Variants in TRHDE observed in about 807,000 individuals in gnomAD.
TRHDE encodes the protein thyrotropin releasing hormone degrading enzyme.
TRHDE carries 72 observed loss-of-function variants against 125.7 expected under a neutral mutation model. The observed-to-expected ratio is 0.57, with a 90% CI of 0.47 to 0.70. The LOEUF (loss-of-function observed/expected upper bound fraction) is 0.70. TRHDE is among the 30% of genes least tolerant of loss of function. The pLI is 0.00. For missense variants in TRHDE, 1,110 were observed against 1,327.1 expected, an observed-to-expected ratio of 0.84 and a Z score of 2.54; for synonymous variants, 509 against 509.1, an observed-to-expected ratio of 1.00 and a Z score of 0.00.
intron 3 of TRHDE, among the ~76,000 whole-genome samples, chr12:72,458,812 C>G (rs1473559955): frequency 6.6e-6 from 1 of 152,080 alleles, no homozygotes; most frequent in African/African-American, 2.4e-5. Context: ...CTCAACAGAT[C>G]CCATAATTGG....
intron 5 of TRHDE, among the ~76,000 whole-genome samples, chr12:72,485,905 C>T (rs1031155388): frequency 3.9e-5 from 6 of 152,086 alleles, no homozygotes; most frequent in African/African-American, 4.8e-5. Context: ...GCTCCCAAGC[C>T]GTATTGGCAT....
chr12:72,493,373 G>A (rs987873679), intron 5 of TRHDE, among the ~76,000 whole-genome samples: 5 of 151,900 alleles, frequency 3.3e-5, no homozygotes, highest in African/African-American at 4.8e-5. Flanking sequence ...GGATTTCAAA[G>A]TAAATACATT....
rs190056466 is a variant in TRHDE at position 72,116,205 on chromosome 12, G to A, written n.279+10453G>A. Among the ~76,000 whole-genome samples the A allele has an allele frequency of 7.2e-5, 11 of 152,234 alleles. No homozygotes were observed. The East Asian group carries it at 2.1e-3, about 29-fold the overall frequency. On this transcript the variant is annotated intron_variant and non_coding_transcript_variant, in intron 2 of 4. Transcript: ENST00000548156. Reference sequence around the variant, plus strand: ...GGGCATGAACTCATTCATTTTTATGGCTGCATAGTATTCCATGGTGTATAT... The same window carrying A: ...GGGCATGAACTCATTCATTTTTATGACTGCATAGTATTCCATGGTGTATAT...
chr12:72,159,214 G>A (rs1276556793), intron 2 of TRHDE, among the ~76,000 whole-genome samples: 1 of 152,142 alleles, frequency 6.6e-6, no homozygotes, highest in East Asian at 1.9e-4. Context: ...TTAAATTTTA[G>A]TAGTAGAAAG....
chr12:72,647,276 G>A (rs1248041069), intron 15 of TRHDE, among the ~76,000 whole-genome samples: 1 of 151,930 alleles, frequency 6.6e-6, no homozygotes, highest in African/African-American at 2.4e-5. Context: ...AGACAAAAAT[G>A]AAAGCACAAT....
chr12:72,580,649 C>G (rs934059154), intron 12 of TRHDE, among the ~76,000 whole-genome samples: 1 of 152,210 alleles, frequency 6.6e-6, no homozygotes. Context: ...CCACGTTGGT[C>G]AGGCTAGTCT....
intron 3 of TRHDE, among the ~76,000 whole-genome samples, chr12:72,435,968 T>C (rs184540051): frequency 8.1e-4 from 124 of 152,180 alleles, no homozygotes; most frequent in African/African-American, 2.7e-3. Flanking sequence ...TGTTCACATA[T>C]GTTCCCCCCG....
intron 2 of TRHDE, among the ~76,000 whole-genome samples, chr12:72,114,193 C>T: frequency 4.5e-5 from 1 of 22,258 alleles, no homozygotes; most frequent in East Asian, 9.2e-4. Context: ...CTGGGTCTTT[C>T]AAACTCTGTC....
chr12:72,593,028 A>T (rs2136049637), intron 12 of TRHDE, among the ~76,000 whole-genome samples: 1 of 152,210 alleles, frequency 6.6e-6, no homozygotes, highest in Non-Finnish European at 1.5e-5. Context: ...AATTTTTAAA[A>T]TCCCTTTCAT....
At chr12:72,565,579 C>A (rs1299365465) in intron 9 of TRHDE, among the ~76,000 whole-genome samples, 2 of 152,168 alleles carry the variant, frequency 1.3e-5, no homozygotes, top group Middle Eastern at 3.2e-3. Context: ...CACTGAGGAG[C>A]TTCTCAGCGT....
At chr12:72,495,006 C>T (rs543249590) in intron 5 of TRHDE, among the ~76,000 whole-genome samples, 2 of 149,856 alleles carry the variant, frequency 1.3e-5, no homozygotes, top group South Asian at 4.2e-4. Context: ...TTTAGCATAT[C>T]CTCCAAACCA....
chr12:72,124,142 C>T (rs1367538818), intron 2 of TRHDE, among the ~76,000 whole-genome samples: 1 of 152,110 alleles, frequency 6.6e-6, no homozygotes, highest in East Asian at 1.9e-4. Context: ...TTCGTAGTGC[C>T]TCTGAATCAA....
intron 2 of TRHDE, among the ~76,000 whole-genome samples, chr12:72,212,430 T>A (rs1877801959): frequency 6.6e-6 from 1 of 151,996 alleles, no homozygotes; most frequent in Admixed American, 6.6e-5. Flanking sequence ...GTTAAAAGAA[T>A]CCACACAATG....
intron 2 of TRHDE, among the ~76,000 whole-genome samples, chr12:72,175,057 T>C (rs965383110): frequency 6.6e-6 from 1 of 152,216 alleles, no homozygotes; most frequent in Non-Finnish European, 1.5e-5. Flanking sequence ...CATATAGTCT[T>C]GTTCACTATA....
chr12:72,482,475 A>T (rs1008535347), intron 5 of TRHDE, among the ~76,000 whole-genome samples: 1 of 151,932 alleles, frequency 6.6e-6, no homozygotes, highest in Non-Finnish European at 1.5e-5. Context: ...TACATGGCTT[A>T]AACATATTTT....
intron 2 of TRHDE, among the ~76,000 whole-genome samples, chr12:72,372,735 T>C (rs1871667884): frequency 6.6e-6 from 1 of 152,232 alleles, no homozygotes; most frequent in Non-Finnish European, 1.5e-5. Context: ...CTCTGTTCTG[T>C]TCCATTGATC....
chr12:72,627,306 A>G (rs1188907904), intron 15 of TRHDE, among the ~76,000 whole-genome samples: 3 of 151,888 alleles, frequency 2.0e-5, no homozygotes, highest in Non-Finnish European at 4.4e-5. Context: ...TTGTTGCATC[A>G]TATGCTTAGA....
intron 2 of TRHDE, among the ~76,000 whole-genome samples, chr12:72,357,413 A>G (rs765973370): frequency 2.0e-5 from 3 of 151,450 alleles, no homozygotes; most frequent in Admixed American, 6.6e-5. Flanking sequence ...ATATATCTCT[A>G]TATATTTAAC....
intron 2 of TRHDE, among the ~76,000 whole-genome samples, chr12:72,291,727 G>A (rs1480874031): frequency 6.6e-6 from 1 of 152,154 alleles, no homozygotes; most frequent in Non-Finnish European, 1.5e-5. Context: ...GCAATCTAGA[G>A]GTGATTTAAA....
Sources: gnomAD v4.1 joint callset for allele counts (sites outside exome capture counted in the v4.1 genomes callset) on GRCh38, gnomAD v4.1.1 for gene constraint, MANE v1.5 for transcripts, NCBI Gene and HGNC (gene_info 2026-07-23, HGNC 2026-07-21) for gene names.